Variants in MAP3K4 observed in about 807,000 individuals in gnomAD.
MAP3K4 encodes the protein MAP three kinase 1.
Under a neutral mutation model 185.6 loss-of-function variants are expected in MAP3K4, and 67 were observed. That is an observed-to-expected ratio of 0.36 (90% CI 0.30 to 0.44). MAP3K4 has a LOEUF of 0.44. Among genes scored for constraint, MAP3K4 ranks in the 20% least tolerant of loss-of-function variants. The probability of loss-of-function intolerance (pLI) is 1.00; values close to 1 mark genes in which losing one functional copy is unlikely to be tolerated. For missense variants in MAP3K4, 1,551 were observed against 1,995.1 expected, an observed-to-expected ratio of 0.78 and a Z score of 4.24; for synonymous variants, 702 against 710.4, an observed-to-expected ratio of 0.99 and a Z score of 0.19.
In MAP3K4 at chr6:161,043,508, A is replaced by G. The variant is rs1003681372; in HGVS notation, c.344-5108A>G. Among the ~76,000 whole-genome samples the G allele has an allele frequency of 1.3e-5, 2 of 152,196 alleles. No individual in the cohort carries two copies. The highest frequency in any genetic ancestry group is 2.4e-5 in the African/African-American group (1 of 41,454). On this transcript the variant is annotated intron_variant, in intron 2 of 26. Transcript: ENST00000392142. The surrounding 1 kb of genome is among the most constrained non-coding windows in gnomAD (Gnocchi z 4.3). Reference sequence around the variant, plus strand: ...GTCCAAGGATGGTGTGGTGGCACCAACTTGGGCTAGGACCCCTGTTCTGAC... The same window carrying G: ...GTCCAAGGATGGTGTGGTGGCACCAGCTTGGGCTAGGACCCCTGTTCTGAC...
In MAP3K4 at chr6:161,093,595, CTG is replaced by C. The variant is rs1777426586; in HGVS notation, c.3349-176_3349-175del. Among the ~76,000 whole-genome samples, 1 of 152,194 alleles carries C rather than the reference CTG, an allele frequency of 6.6e-6. No homozygotes were observed. Among genetic ancestry groups the C allele is most frequent in the Non-Finnish European group, 1.5e-5 (1 of 68,036 alleles). ...CTTTTACTTATAAAAATGAAATACA[CTG>C]TATTATTTTAAATTACATACAATTT... is the stretch of plus-strand genomic sequence containing the variant. On this transcript the variant is annotated intron_variant, in intron 14 of 26. Transcript: ENST00000392142. This position sits in a 1 kb window ranked among gnomAD's most constrained non-coding sequence, Gnocchi z 5.2.
intron 1 of MAP3K4, among the ~76,000 whole-genome samples, chr6:161,018,853 A>G (rs574280794): frequency 1.1e-3 from 168 of 152,354 alleles, no homozygotes; most frequent in African/African-American, 3.8e-3. Flanking sequence ...AAAAAGATGT[A>G]AAAAAGATCC....
rs775743966 is a variant in MAP3K4, at chr6:161,051,008, G to A, written c.1707+1029G>A. ...TTGCATATAACCAATGCACAACCTC[G>A]TATGCTTTAATCTCGAGATTATGTG... On this transcript the variant is annotated intron_variant, in intron 3 of 26. Transcript: ENST00000392142. The surrounding 1 kb of genome is among the most constrained non-coding windows in gnomAD (Gnocchi z 4.2). Among the ~76,000 whole-genome samples, 8 of 152,116 alleles carry A rather than the reference G, an allele frequency of 5.3e-5. No homozygotes were observed. The highest frequency in any genetic ancestry group is 1.2e-4 in the Non-Finnish European group (8 of 68,044).
chr6:161,074,498 T>C lies in MAP3K4; in HGVS notation c.2097+886T>C, dbSNP rs1785083884. Reference sequence around the variant, plus strand: ...GTCTGTGTTTATACCTTCTTTGAACTCTTTTTAGCAGTTACAGTTAGAACT... The same window carrying C: ...GTCTGTGTTTATACCTTCTTTGAACCCTTTTTAGCAGTTACAGTTAGAACT... On this transcript the variant is annotated intron_variant, in intron 5 of 26. Transcript: ENST00000392142. The surrounding 1 kb of genome is among the most constrained non-coding windows in gnomAD (Gnocchi z 5.0). Among the ~76,000 whole-genome samples, 1 of 152,234 alleles carries C rather than the reference T, an allele frequency of 6.6e-6. No individual in the cohort carries two copies. Among genetic ancestry groups the C allele is most frequent in the Admixed American group, 6.5e-5 (1 of 15,284 alleles).
rs544509308 is a variant in MAP3K4, at chr6:161,054,304, G to A, written c.1707+4325G>A. Among the ~76,000 whole-genome samples, 73 of 152,090 alleles carry A rather than the reference G, an allele frequency of 4.8e-4. No individual in the cohort carries two copies. The highest frequency in any genetic ancestry group is 1.6e-3 in the African/African-American group (68 of 41,474). On this transcript the variant is annotated intron_variant, in intron 3 of 26. Transcript: ENST00000392142. The surrounding 1 kb of genome is among the most constrained non-coding windows in gnomAD (Gnocchi z 4.2). Reference sequence around the variant, plus strand: ...GGAGTAGCTGGGATTACAGGCATGCGCCACTATGCCTGGCTAATTTTTGTA... The same window carrying A: ...GGAGTAGCTGGGATTACAGGCATGCACCACTATGCCTGGCTAATTTTTGTA...
At chr6:161,078,884 T>C (rs1409801423) in intron 5 of MAP3K4, among the ~76,000 whole-genome samples, 2 of 152,166 alleles carry the variant, frequency 1.3e-5, no homozygotes, top group Non-Finnish European at 1.5e-5. Context: ...TTTGTTTTGC[T>C]TTCTAAAGAA....
intron 1 of MAP3K4, among the ~76,000 whole-genome samples, chr6:161,024,250 C>T (rs1002328938): frequency 2.6e-5 from 4 of 152,056 alleles, no homozygotes; most frequent in African/African-American, 9.7e-5. Flanking sequence ...ATTATAGATG[C>T]GAGCCGCCAC....
At position 161,070,803 on chromosome 6, in the gene MAP3K4, T is replaced by G. The variant is rs375143294; in HGVS notation, c.1903T>G (p.Leu635Val). ...CATACATGAGTGTCTGAAGTTAAGA[T>G]TGGAGCAGAGACCTGCTGGAGAACC... ...NVIHECLKLR[L>V]EQRPAGEPSL... is the part of the protein sequence containing the mutation. The change falls in exon 4 of 27, where the codon TTG becomes GTG. Residue 635 changes from leucine (L) to valine (V), a missense_variant. Leu to Val is a conservative substitution (Grantham distance 32). Around this residue, in one of 16 missense-constraint regions of MAP3K4, gnomAD observed 27 missense variants for 64.4 expected, o/e 0.42. Transcript: ENST00000392142. This position sits in a 1 kb window ranked among gnomAD's most constrained non-coding sequence, Gnocchi z 4.5. 2 of 1,613,878 alleles carry G rather than the reference T, an allele frequency of 1.2e-6. No homozygotes were observed. Among genetic ancestry groups the G allele is most frequent in the Non-Finnish European group, 1.7e-6 (2 of 1,179,964 alleles).
chr6:160,999,946 C>T (rs993475787), intron 1 of MAP3K4, among the ~76,000 whole-genome samples: 9 of 152,126 alleles, frequency 5.9e-5, no homozygotes, highest in Non-Finnish European at 7.4e-5. Flanking sequence ...ATTTCTTGCT[C>T]GCAGAATAAA....
intron 1 of MAP3K4, among the ~76,000 whole-genome samples, chr6:161,028,024 A>C (rs1782752855): frequency 6.6e-6 from 1 of 152,188 alleles, no homozygotes; most frequent in Non-Finnish European, 1.5e-5. Flanking sequence ...CCAGCAGTAC[A>C]CAGGTGGCCT....
At position 161,026,503 on chromosome 6, in the gene MAP3K4, A is replaced by T. The variant is rs1453520625; in HGVS notation, c.153-7756A>T. 3.3e-5 allele frequency among the ~76,000 whole-genome samples: 5 copies of T among 152,106 alleles called. No individual in the cohort carries two copies. The South Asian group carries it at 1.0e-3, about 32-fold the overall frequency. The stretch of plus-strand genomic sequence containing the variant: ...CCTATACACATATGATCTGGTATTT[A>T]TCCTCAAGACTTTGGATGAAGATAT... On this transcript the variant is annotated intron_variant, in intron 1 of 26. Transcript: ENST00000392142.
rs539783292 is a variant in MAP3K4, at chr6:161,074,805, C to T, written c.2097+1193C>T. ...TGCCTAAGGATGGCTGCAGCACCTA[C>T]AGATACCACTCTCACTTTCTAAGCG... On this transcript the variant is annotated intron_variant, in intron 5 of 26. Coordinates refer to ENST00000392142, the MANE Select transcript of MAP3K4 (RefSeq NM_005922.4). The surrounding 1 kb of genome is among the most constrained non-coding windows in gnomAD (Gnocchi z 5.0). Among the ~76,000 whole-genome samples the T allele has an allele frequency of 2.0e-5, 3 of 152,212 alleles. No individual in the cohort carries two copies. The highest frequency in any genetic ancestry group is 4.4e-5 in the Non-Finnish European group (3 of 68,038).
In MAP3K4 at chr6:161,051,196, C is replaced by T. The variant is rs1251845007; in HGVS notation, c.1707+1217C>T. 1.3e-5 allele frequency among the ~76,000 whole-genome samples: 2 copies of T among 152,144 alleles called. No homozygotes were observed. The highest frequency in any genetic ancestry group is 2.9e-5 in the Non-Finnish European group (2 of 68,028). On this transcript the variant is annotated intron_variant, in intron 3 of 26. Coordinates refer to ENST00000392142, the MANE Select transcript of MAP3K4 (RefSeq NM_005922.4). The surrounding 1 kb of genome is among the most constrained non-coding windows in gnomAD (Gnocchi z 4.2). The stretch of plus-strand genomic sequence containing the variant: ...GTTGAATTCATGGATGTGGAACCCA[C>T]GGATATGGAGAGCCAACTGTATATA...
chr6:161,108,886 G>A lies in MAP3K4; in HGVS notation c.4236+27G>A. The A allele has an allele frequency of 6.3e-7, 1 of 1,598,106 alleles. No individual in the cohort carries two copies. The highest frequency in any genetic ancestry group is 8.6e-7 in the Non-Finnish European group (1 of 1,165,442). ...TAAGCCGACCCTAATGCCACTCTTT[G>A]TGTGAGGAATCAGTGAGGGCACAGA... is the stretch of plus-strand genomic sequence containing the variant. On this transcript the variant is annotated intron_variant, in intron 22 of 26. Transcript: ENST00000392142. This position sits in a 1 kb window ranked among gnomAD's most constrained non-coding sequence, Gnocchi z 5.7.
At chr6:160,992,106 G>T (rs746685720) in intron 1 of MAP3K4, 23 bp downstream of exon 1, 15 of 1,530,696 alleles carry the variant, frequency 9.8e-6, no homozygotes, top group Non-Finnish European at 1.2e-5. Flanking sequence ...GCCGCAGTCG[G>T]TCGCTCGCAG....
At chr6:161,035,326 C>T (rs1385258918) in intron 2 of MAP3K4, among the ~76,000 whole-genome samples, 1 of 152,142 alleles carries the variant, frequency 6.6e-6, no homozygotes, top group African/African-American at 2.4e-5. Flanking sequence ...CTACCTCTCC[C>T]TTTCTGTAGT....
intron 17 of MAP3K4, among the ~76,000 whole-genome samples, chr6:161,099,161 A>G (rs1777717628): frequency 1.3e-5 from 2 of 152,230 alleles, no homozygotes; most frequent in African/African-American, 2.4e-5. Context: ...CAGTATTCCC[A>G]TCTTCCAATG....
At position 161,116,885 on chromosome 6, in the gene MAP3K4, T is replaced by G; in HGVS notation, c.*15T>G. On this transcript the variant is annotated 3_prime_UTR_variant, in exon 27 of 27. Coordinates refer to ENST00000392142, the MANE Select transcript of MAP3K4 (RefSeq NM_005922.4). The surrounding 1 kb of genome is among the most constrained non-coding windows in gnomAD (Gnocchi z 6.2). ...ATGAAGAATGAAGCCTAGTAGAATA[T>G]GGACTTGGAAAATTCTCTTAATCAC... 3.1e-6 allele frequency: 5 copies of G among 1,612,840 alleles called. No individual in the cohort carries two copies. The highest frequency in any genetic ancestry group is 4.2e-6 in the Non-Finnish European group (5 of 1,178,792).
chr6:161,102,132 G>A, intron 18 of MAP3K4, 140 bp downstream of exon 18: 2 of 646,562 alleles, frequency 3.1e-6, no homozygotes, highest in Non-Finnish European at 5.3e-6. Flanking sequence ...TGAAGAGTAA[G>A]AAGCACAGAG....
Sources: gnomAD v4.1 joint callset for allele counts (sites outside exome capture counted in the v4.1 genomes callset) on GRCh38, gnomAD v4.1.1 for gene constraint, gnomAD v4.1.1 regional missense constraint, Gnocchi (gnomAD v3.1) non-coding constraint, MANE v1.5 for transcripts, NCBI Gene and HGNC (gene_info 2026-07-23, HGNC 2026-07-21) for gene names.